Variants in UNC79 observed in about 807,000 individuals in gnomAD.
UNC79 encodes unc-79 subunit of NALCN channel complex.
In UNC79, 37 loss-of-function variants were observed where a neutral mutation model predicts 283.1. The observed-to-expected ratio is 0.13, with a 90% CI of 0.10 to 0.17. The LOEUF (loss-of-function observed/expected upper bound fraction) is 0.17. UNC79 is among the 10% of genes least tolerant of loss of function. The pLI, the probability that UNC79 is intolerant of heterozygous loss-of-function variation, is 1.00. For missense variants in UNC79, 2,272 were observed against 3,211.1 expected, an observed-to-expected ratio of 0.71 and a Z score of 7.07; for synonymous variants, 1,107 against 1,200.2, an observed-to-expected ratio of 0.92 and a Z score of 1.61.
intron 35 of UNC79, among the ~76,000 whole-genome samples, chr14:93,651,066 T>A (rs1425683206): frequency 6.6e-6 from 1 of 152,182 alleles, no homozygotes; most frequent in Admixed American, 6.5e-5. Flanking sequence ...ATCACTGTGG[T>A]GCCTGTTAAG....
intron 1 of UNC79, among the ~76,000 whole-genome samples, chr14:93,441,177 A>C (rs1323058778): frequency 1.3e-5 from 2 of 152,104 alleles, no homozygotes. Context: ...AAACATTATA[A>C]AGGGCACTTC....
intron 13 of UNC79, 149 bp downstream of exon 13, chr14:93,540,980 T>C: frequency 1.0e-6 from 1 of 952,620 alleles, no homozygotes; most frequent in Non-Finnish European, 1.5e-6. Context: ...TAGCTGTCAA[T>C]CCTGAGCTGC....
chr14:93,357,935 G>A (rs1275869741), intron 1 of UNC79, among the ~76,000 whole-genome samples: 3 of 18,924 alleles, frequency 1.6e-4, no homozygotes, highest in Admixed American at 6.5e-4. Flanking sequence ...AGATATATAT[G>A]GATATATGGA....
chr14:93,653,322 C>CAT (rs60148384), intron 35 of UNC79, among the ~76,000 whole-genome samples: 45,238 of 148,048 alleles, frequency 0.31, 6,851 homozygotes, highest in African/African-American at 0.35. Context: ...TCTCTCACTG[C>CAT]ATATATATAT....
chr14:93,517,325 CTTTT>C (rs3060641), intron 7 of UNC79, among the ~76,000 whole-genome samples: 6 of 116,018 alleles, frequency 5.2e-5, no homozygotes, highest in East Asian at 4.5e-4. Context: ...CTATCCTTCT[CTTTT>C]TTTTTTTTTT....
At chr14:93,691,248 G>C (rs566184035) in intron 45 of UNC79, 1 of 167,630 alleles carries the variant, frequency 6.0e-6, no homozygotes, top group African/African-American at 2.4e-5. Context: ...CATCTCTGGC[G>C]TGTTGTAGGT....
chr14:93,358,166 T>TG (rs1287314770), intron 1 of UNC79, among the ~76,000 whole-genome samples: 6 of 152,034 alleles, frequency 3.9e-5, no homozygotes, highest in African/African-American at 1.4e-4. Context: ...TCTAATAGTA[T>TG]GGAGAACACT....
At position 93,530,706 on chromosome 14, in the gene UNC79, A is replaced by G. The variant is rs1042303387; in HGVS notation, c.1093+1380A>G. Among the ~76,000 whole-genome samples the G allele has an allele frequency of 7.2e-5, 11 of 152,100 alleles. 1 individual carries two copies. Among genetic ancestry groups the G allele is most frequent in the Admixed American group, 3.3e-4 (5 of 15,266 alleles). ...GGGCGGATCACAAGGTCAGGAAATC[A>G]AGACCATCCTGGCTAACATGGTGAA... is the stretch of plus-strand genomic sequence containing the variant. On this transcript the variant is annotated intron_variant, in intron 10 of 48. Transcript: ENST00000555664.
chr14:93,434,271 C>A (rs1212019785), intron 1 of UNC79, among the ~76,000 whole-genome samples: 1 of 151,932 alleles, frequency 6.6e-6, no homozygotes, highest in Non-Finnish European at 1.5e-5. Flanking sequence ...GTTTTTGGAG[C>A]CTTTAAAAAA....
intron 11 of UNC79, among the ~76,000 whole-genome samples, chr14:93,536,782 C>CTTT (rs35677025): frequency 7.8e-4 from 64 of 82,436 alleles, no homozygotes; most frequent in Non-Finnish European, 1.0e-3. Context: ...CCACCCCCGG[C>CTTT]TTTTTTTTTT....
At chr14:93,448,437 C>T (rs1038621294) in intron 1 of UNC79, among the ~76,000 whole-genome samples, 8 of 152,004 alleles carry the variant, frequency 5.3e-5, no homozygotes, top group Admixed American at 2.6e-4. Context: ...TTTTGTTTTA[C>T]TTAATTGAGG....
chr14:93,351,607 A>G (rs948025859), intron 1 of UNC79, among the ~76,000 whole-genome samples: 5 of 152,288 alleles, frequency 3.3e-5, no homozygotes, highest in African/African-American at 9.6e-5. Flanking sequence ...TTACATTTCT[A>G]TCTCAAAATT....
intron 1 of UNC79, among the ~76,000 whole-genome samples, chr14:93,381,219 G>T (rs575247618): frequency 6.6e-6 from 1 of 152,162 alleles, no homozygotes; most frequent in Non-Finnish European, 1.5e-5. Flanking sequence ...TTTAGCTGAC[G>T]AACTACTTCT....
intron 1 of UNC79, among the ~76,000 whole-genome samples, chr14:93,356,622 C>T (rs181608171): frequency 2.8e-3 from 420 of 152,296 alleles, no homozygotes; most frequent in Non-Finnish European, 5.1e-3. Context: ...TTTTGTTCTA[C>T]TTGTCTAGTA....
At chr14:93,558,375 T>C (rs965444798) in intron 14 of UNC79, among the ~76,000 whole-genome samples, 8 of 152,012 alleles carry the variant, frequency 5.3e-5, no homozygotes, top group African/African-American at 1.9e-4. Flanking sequence ...GCTAACACGG[T>C]GAAACCCCGT....
rs138789873 is a variant in UNC79 at position 93,633,578 on chromosome 14, G to T, written c.5716+2670G>T. ...ATAACACAGAGAATAACCACAAGTT[G>T]TCAAATATACAAGGTATTTGGGGTC... On this transcript the variant is annotated intron_variant, in intron 31 of 48. Transcript: ENST00000555664. 5.9e-5 allele frequency among the ~76,000 whole-genome samples: 9 copies of T among 152,288 alleles called. No individual in the cohort carries two copies. In the East Asian group the frequency reaches 1.7e-3, roughly 29 times the overall value.
intron 45 of UNC79, chr14:93,691,468 T>C (rs1026727082): frequency 1.9e-6 from 1 of 534,632 alleles, no homozygotes; most frequent in Non-Finnish European, 3.4e-6. Context: ...GGAATGTCAG[T>C]TTCATTAAAG....
chr14:93,627,618 T>C (rs920822236), intron 30 of UNC79, among the ~76,000 whole-genome samples: 1 of 152,150 alleles, frequency 6.6e-6, no homozygotes, highest in African/African-American at 2.4e-5. Flanking sequence ...GCCATGTTAT[T>C]CTTGCAAACA....
upstream of UNC79, among the ~76,000 whole-genome samples, chr14:93,429,502 GA>G (rs763476696): frequency 6.6e-6 from 1 of 152,126 alleles, no homozygotes; most frequent in Non-Finnish European, 1.5e-5. Flanking sequence ...GTTATTTGTA[GA>G]TTTTTTTATT....
Sources: gnomAD v4.1 joint callset for allele counts (sites outside exome capture counted in the v4.1 genomes callset) on GRCh38, gnomAD v4.1.1 for gene constraint, MANE v1.5 for transcripts, NCBI Gene and HGNC (gene_info 2026-07-23, HGNC 2026-07-21) for gene names.